FCHSD2: variants seen among roughly 807,000 people sequenced by gnomAD.
FCHSD2 encodes F-BAR and double SH3 domains protein 2.
A neutral mutation model predicts 108.1 loss-of-function variants in FCHSD2; 38 were observed. That is an observed-to-expected ratio of 0.35 (90% CI 0.27 to 0.46). The LOEUF (loss-of-function observed/expected upper bound fraction) is 0.46. Among genes scored for constraint, FCHSD2 ranks in the 20% least tolerant of loss-of-function variants. The probability of loss-of-function intolerance (pLI) is 1.00; values close to 1 mark genes in which losing one functional copy is unlikely to be tolerated. For synonymous variants in FCHSD2, 279 were observed against 314.7 expected (o/e 0.89, Z 1.20); for missense variants, 751 against 897.8 (o/e 0.84, Z 2.09).
intron 9 of FCHSD2, among the ~76,000 whole-genome samples, chr11:72,903,511 GC>G (rs1591383545): frequency 6.6e-6 from 1 of 152,044 alleles, no homozygotes; most frequent in African/African-American, 2.4e-5. Context: ...GAGCTACCGC[GC>G]CCGGCCTGGA....
chr11:72,907,599 G>GTTTGTTTTTTTTTTTTTTTTT (rs1855657272), intron 9 of FCHSD2, among the ~76,000 whole-genome samples: 1 of 114,664 alleles, frequency 8.7e-6, no homozygotes, highest in African/African-American at 3.4e-5. Context: ...AATCACGTGG[G>GTTTGTTTTTTTTTTTTTTTTT]TTTTTTTTTT....
intron 8 of FCHSD2, among the ~76,000 whole-genome samples, chr11:72,933,080 C>A (rs1856226989): frequency 6.6e-6 from 1 of 152,114 alleles, no homozygotes; most frequent in African/African-American, 2.4e-5. Context: ...TATAACCTTG[C>A]ATGCCTTCTT....
intron 11 of FCHSD2, 111 bp downstream of exon 11, chr11:72,889,718 A>G (rs1855274922): frequency 1.5e-6 from 1 of 662,954 alleles, no homozygotes; most frequent in African/African-American, 1.8e-5. Context: ...TGTCTCAAAT[A>G]AAACAAAACA....
At chr11:72,990,064 C>A (rs559510801) in intron 5 of FCHSD2, among the ~76,000 whole-genome samples, 1 of 152,214 alleles carries the variant, frequency 6.6e-6, no homozygotes, top group East Asian at 1.9e-4. Flanking sequence ...GAAAGGACTA[C>A]AGGGGATGAG....
At chr11:73,001,459 TATGA>T (rs1383607243) in intron 4 of FCHSD2, among the ~76,000 whole-genome samples, 1 of 152,166 alleles carries the variant, frequency 6.6e-6, no homozygotes, top group East Asian at 1.9e-4. Flanking sequence ...GGGCCATAAT[TATGA>T]ATATCAAGTT....
chr11:72,845,742 C>A (rs1565284713), intron 14 of FCHSD2, among the ~76,000 whole-genome samples: 1 of 152,220 alleles, frequency 6.6e-6, no homozygotes, highest in Non-Finnish European at 1.5e-5. Context: ...GTTCTTCCGT[C>A]CATCAGGCTC....
intron 9 of FCHSD2, among the ~76,000 whole-genome samples, chr11:72,919,391 C>A (rs1225137171): frequency 6.6e-6 from 1 of 152,140 alleles, no homozygotes; most frequent in Non-Finnish European, 1.5e-5. Context: ...GAAAGCTTAT[C>A]TCTTTATGTG....
chr11:72,892,553 C>A (rs1855336644), intron 10 of FCHSD2, among the ~76,000 whole-genome samples: 1 of 152,118 alleles, frequency 6.6e-6, no homozygotes, highest in Non-Finnish European at 1.5e-5. Context: ...TATCAAAGAT[C>A]AATATAAATC....
chr11:72,877,048 T>C (rs1033436092), intron 12 of FCHSD2, among the ~76,000 whole-genome samples: 1 of 152,002 alleles, frequency 6.6e-6, no homozygotes, highest in African/African-American at 2.4e-5. Flanking sequence ...CACGGCTCAG[T>C]GCAGCCTCAA....
intron 5 of FCHSD2, among the ~76,000 whole-genome samples, chr11:72,998,186 G>A (rs1857556604): frequency 2.0e-5 from 3 of 152,198 alleles, no homozygotes; most frequent in African/African-American, 4.8e-5. Flanking sequence ...GAATTATCTT[G>A]CTAGAAGATT....
chr11:73,036,189 G>C (rs989584704), intron 3 of FCHSD2, among the ~76,000 whole-genome samples: 1 of 152,082 alleles, frequency 6.6e-6, no homozygotes, highest in Non-Finnish European at 1.5e-5. Flanking sequence ...AAGCTTCCCA[G>C]TGGAGTTGAC....
chr11:72,925,434 G>A (rs915184266), intron 8 of FCHSD2, among the ~76,000 whole-genome samples: 33 of 152,148 alleles, frequency 2.2e-4, no homozygotes, highest in African/African-American at 7.5e-4. Context: ...GCTGAGGCAG[G>A]AAGACTGTTT....
intron 4 of FCHSD2, among the ~76,000 whole-genome samples, chr11:73,014,808 TAATAA>T (rs1857934599): frequency 6.6e-6 from 1 of 152,122 alleles, no homozygotes; most frequent in Non-Finnish European, 1.5e-5. Context: ...GCGTAAAAGA[TAATAA>T]ATACTTCCAA....
intron 9 of FCHSD2, among the ~76,000 whole-genome samples, chr11:72,908,850 C>T (rs1193761015): frequency 6.6e-6 from 1 of 152,042 alleles, no homozygotes. Flanking sequence ...GATGGGGTTT[C>T]ACCATGTTGC....
intron 3 of FCHSD2, among the ~76,000 whole-genome samples, chr11:73,023,947 A>C (rs994876780): frequency 2.0e-5 from 3 of 152,210 alleles, no homozygotes; most frequent in African/African-American, 7.2e-5. Flanking sequence ...ACATTCTGGG[A>C]AAGACCAATT....
chr11:72,989,294 A>G (rs1017634786), intron 5 of FCHSD2, among the ~76,000 whole-genome samples, 197 bp from the exon 6 acceptor site: 1 of 152,232 alleles, frequency 6.6e-6, no homozygotes, highest in African/African-American at 2.4e-5. Context: ...ACTACACATC[A>G]AACAGTGTCA....
intron 3 of FCHSD2, among the ~76,000 whole-genome samples, chr11:73,034,519 A>T (rs1424954094): frequency 6.6e-6 from 1 of 152,244 alleles, no homozygotes; most frequent in Non-Finnish European, 1.5e-5. Context: ...TGTACCAAGG[A>T]AATAGAGATC....
intron 3 of FCHSD2, among the ~76,000 whole-genome samples, chr11:73,051,063 C>T (rs1336439557): frequency 1.3e-5 from 2 of 152,144 alleles, no homozygotes; most frequent in African/African-American, 4.8e-5. Flanking sequence ...TGCCTGTAAT[C>T]CCAACATTTT....
Position 73,078,823 on chromosome 11 carries a change from A to G in FCHSD2, c.165+4872T>C, listed in dbSNP as rs185461789. Reference sequence around the variant, plus strand: ...AGCCTTGAAATCCTGGACTCACGTGATTCTCCTGCTTCAGTCTCCAAGTAG... The same window carrying G: ...AGCCTTGAAATCCTGGACTCACGTGGTTCTCCTGCTTCAGTCTCCAAGTAG... On this transcript the variant is annotated intron_variant, in intron 3 of 19. Transcript: ENST00000409418. 2.6e-5 allele frequency among the ~76,000 whole-genome samples: 4 copies of G among 152,162 alleles called. No homozygotes were observed. In the East Asian group the frequency reaches 7.7e-4, roughly 29 times the overall value.
Sources: allele counts gnomAD v4.1 joint callset (sites outside exome capture counted in the v4.1 genomes callset), GRCh38; gene constraint gnomAD v4.1.1; transcripts MANE v1.5; gene names NCBI Gene and HGNC (gene_info 2026-07-23, HGNC 2026-07-21).